Variants in ADAMTS16 observed in about 807,000 individuals in gnomAD.
The protein encoded by ADAMTS16 is A disintegrin and metalloproteinase with thrombospondin motifs 16.
ADAMTS16 carries 94 observed loss-of-function variants against 145.8 expected under a neutral mutation model. The ratio of observed to expected loss-of-function variants is 0.64; its 90% confidence interval spans 0.55 to 0.77. ADAMTS16 has a LOEUF of 0.77. Ranked by LOEUF, ADAMTS16 falls within the 30% of genes least tolerant of loss-of-function variation. The pLI, the probability that ADAMTS16 is intolerant of heterozygous loss-of-function variation, is 0.00. For missense variants in ADAMTS16, 1,585 were observed against 1,591.5 expected (o/e 1.00, Z 0.07); for synonymous variants, 659 against 604.3 (o/e 1.09, Z -1.33).
chr5:5,244,099 C>T (rs1737372222), intron 17 of ADAMTS16, among the ~76,000 whole-genome samples: 1 of 152,180 alleles, frequency 6.6e-6, no homozygotes, highest in African/African-American at 2.4e-5. Flanking sequence ...GCTCTGCAGC[C>T]TTCCTTGTAA....
At chr5:5,192,279 T>C (rs181040049) in intron 8 of ADAMTS16, among the ~76,000 whole-genome samples, 162 of 152,286 alleles carry the variant, frequency 1.1e-3, no homozygotes, top group Non-Finnish European at 1.6e-3. Context: ...CACCTGTGCC[T>C]AAGATTGAGG....
chr5:5,229,953 T>C (rs1306427213), intron 11 of ADAMTS16, among the ~76,000 whole-genome samples: 1 of 152,204 alleles, frequency 6.6e-6, no homozygotes, highest in Non-Finnish European at 1.5e-5. Flanking sequence ...TCAGCCTATA[T>C]TCCCTGAACA....
intron 3 of ADAMTS16, among the ~76,000 whole-genome samples, chr5:5,170,683 G>T (rs1735020393): frequency 1.3e-5 from 2 of 151,864 alleles, no homozygotes; most frequent in South Asian, 2.1e-4. Flanking sequence ...CAGCTCTTTT[G>T]CCCATTGCTA....
chr5:5,246,953 G>A (rs1579339179), intron 17 of ADAMTS16, among the ~76,000 whole-genome samples: 1 of 152,240 alleles, frequency 6.6e-6, no homozygotes, highest in Non-Finnish European at 1.5e-5. Flanking sequence ...AATTCAGAGA[G>A]ATCTCCAGGC....
intron 20 of ADAMTS16, among the ~76,000 whole-genome samples, chr5:5,305,718 T>G (rs1579407988): frequency 6.6e-6 from 1 of 152,322 alleles, no homozygotes; most frequent in East Asian, 1.9e-4. Flanking sequence ...CCTGGGCTCC[T>G]CTGCTGGGGA....
chr5:5,272,519 G>A (rs147995337), intron 18 of ADAMTS16, among the ~76,000 whole-genome samples: 3 of 150,072 alleles, frequency 2.0e-5, no homozygotes, highest in Admixed American at 6.6e-5. Flanking sequence ...CCGCCACTAC[G>A]CCTGGCTAAT....
At chr5:5,144,607 A>G (rs574662903) in intron 2 of ADAMTS16, among the ~76,000 whole-genome samples, 1 of 152,344 alleles carries the variant, frequency 6.6e-6, no homozygotes, top group East Asian at 1.9e-4. Flanking sequence ...TTCCCAGGTC[A>G]AAGTATTTTG....
chr5:5,153,961 T>A (rs1230824896), intron 3 of ADAMTS16, among the ~76,000 whole-genome samples: 2 of 151,942 alleles, frequency 1.3e-5, no homozygotes, highest in Admixed American at 1.3e-4. Context: ...TTCAGGGCCC[T>A]GGTTTGAATT....
At chr5:5,292,086 G>A (rs1342946792) in intron 18 of ADAMTS16, among the ~76,000 whole-genome samples, 2 of 152,194 alleles carry the variant, frequency 1.3e-5, no homozygotes, top group African/African-American at 2.4e-5. Context: ...TCTGGTCATA[G>A]TCAAGCCACC....
rs767013886 is a variant in ADAMTS16, at chr5:5,140,710, C to G, written c.119C>G (p.Pro40Arg). 16 of 1,569,026 alleles carry G rather than the reference C, an allele frequency of 1.0e-5. No homozygotes were observed. The highest frequency in any genetic ancestry group is 1.3e-5 in the African/African-American group (1 of 74,112). ...MGPAAAAPGSPSVPRPPPPAE... is the reference protein window; with the variant it reads ...MGPAAAAPGSRSVPRPPPPAE... ...CCCGCAGCGGCAGCGCCTGGGAGCCCGAGCGTCCCGCGTCCTCCTCCACCC... is the reference window on the plus strand; with the variant it reads ...CCCGCAGCGGCAGCGCCTGGGAGCCGGAGCGTCCCGCGTCCTCCTCCACCC... Residue 40 changes from proline (P) to arginine (R), a missense_variant, in exon 2 of 23, where the codon CCG becomes CGG. Pro to Arg is a moderately radical substitution (Grantham distance 103). This residue lies in a region of ADAMTS16 where 453 missense variants were observed against 412.1 expected (regional missense o/e 1.10). Coordinates refer to ENST00000274181, the MANE Select transcript of ADAMTS16 (RefSeq NM_139056.4).
At chr5:5,220,375 A>G (rs6899031) in intron 10 of ADAMTS16, among the ~76,000 whole-genome samples, 101,120 of 148,132 alleles carry the variant, frequency 0.68, 34,934 homozygotes, top group East Asian at 0.88. Flanking sequence ...AGCCAGGATG[A>G]TCTCGATCTC....
In ADAMTS16 at chr5:5,217,924, G is replaced by T. The variant is rs545784080; in HGVS notation, c.1606-4865G>T. Among the ~76,000 whole-genome samples, 9 of 152,188 alleles carry T rather than the reference G, an allele frequency of 5.9e-5. No homozygotes were observed. The East Asian group carries it at 1.3e-3, about 23-fold the overall frequency. On this transcript the variant is annotated intron_variant, in intron 10 of 22. Transcript: ENST00000274181. ...GACCCTGCAATCTGAAACATAAGCC[G>T]CCAGAATTGCTTTGAAATTTGATCA...
intron 18 of ADAMTS16, among the ~76,000 whole-genome samples, chr5:5,285,660 G>A (rs1280938316): frequency 6.6e-6 from 1 of 152,218 alleles, no homozygotes; most frequent in East Asian, 1.9e-4. Context: ...AAACTAGAGG[G>A]ATTTGGACAT....
Position 5,303,652 on chromosome 5 carries a change from G to A in ADAMTS16, c.3072G>A (p.Leu1024=), listed in dbSNP as rs371783046. The A allele has an allele frequency of 9.9e-6, 16 of 1,613,904 alleles. No homozygotes were observed. The highest frequency in any genetic ancestry group is 6.7e-5 in the African/African-American group (5 of 74,948). Residue 1024 remains leucine, a synonymous_variant, in exon 20 of 23, where the codon CTG becomes CTA. Coordinates refer to ENST00000274181, the MANE Select transcript of ADAMTS16 (RefSeq NM_139056.4). The part of the protein sequence containing the change: ...KSTNPSARAQ[L]LPDAVCTSEP... The stretch of plus-strand genomic sequence containing the variant: ...CCAACCCCTCGGCCAGAGCGCAGCT[G>A]CTGCCCGACGCTGTCTGCACCTCCG...
chr5:5,284,056 TC>T (rs1739026200), intron 18 of ADAMTS16, among the ~76,000 whole-genome samples: 1 of 152,256 alleles, frequency 6.6e-6, no homozygotes, highest in Admixed American at 6.5e-5. Context: ...TGTTTACTTT[TC>T]TTTTATAGCT....
chr5:5,171,682 T>C (rs1385942303), intron 3 of ADAMTS16, among the ~76,000 whole-genome samples: 1 of 152,194 alleles, frequency 6.6e-6, no homozygotes, highest in Non-Finnish European at 1.5e-5. Context: ...TAATATTTTG[T>C]TGAGGATTTT....
intron 8 of ADAMTS16, among the ~76,000 whole-genome samples, chr5:5,197,933 A>G (rs1735851648): frequency 6.6e-6 from 1 of 152,164 alleles, no homozygotes; most frequent in South Asian, 2.1e-4. Flanking sequence ...ACAAAATTAG[A>G]ACTATACCAC....
intron 11 of ADAMTS16, among the ~76,000 whole-genome samples, chr5:5,228,962 C>T (rs962103784): frequency 1.3e-5 from 2 of 152,244 alleles, no homozygotes; most frequent in African/African-American, 4.8e-5. Flanking sequence ...CCACAAGTTA[C>T]TTCTTCCTTC....
intron 17 of ADAMTS16, among the ~76,000 whole-genome samples, chr5:5,251,074 C>T (rs972713022): frequency 6.6e-6 from 1 of 152,164 alleles, no homozygotes; most frequent in African/African-American, 2.4e-5. Context: ...AGGATATCCA[C>T]CTTCATGAAG....
Sources: gnomAD v4.1 joint callset for allele counts (sites outside exome capture counted in the v4.1 genomes callset) on GRCh38, gnomAD v4.1.1 for gene constraint, gnomAD v4.1.1 regional missense constraint, MANE v1.5 for transcripts, NCBI Gene and HGNC (gene_info 2026-07-23, HGNC 2026-07-21) for gene names.